The following PAX5 variants were observed in gnomAD, a reference collection of about 807,000 sequenced individuals.
PAX5 encodes paired box protein Pax-5.
PAX5 carries 9 observed loss-of-function variants against 43.7 expected under a neutral mutation model. The observed-to-expected ratio is 0.21, with a 90% CI of 0.12 to 0.36. PAX5 has a LOEUF of 0.36. Among genes scored for constraint, PAX5 ranks in the 10% least tolerant of loss-of-function variants. PAX5 has a pLI of 1.00. For missense variants in PAX5, 383 were observed against 532.7 expected (o/e 0.72, Z 2.77); for synonymous variants, 228 against 214.3 (o/e 1.06, Z -0.56).
At chr9:36,967,744 G>C (rs1321370854) in intron 5 of PAX5, among the ~76,000 whole-genome samples, 1 of 152,182 alleles carries the variant, frequency 6.6e-6, no homozygotes, top group African/African-American at 2.4e-5. Flanking sequence ...GTGAGGGGGA[G>C]AGACTTTTCA....
chr9:36,961,138 G>A (rs889784559), intron 6 of PAX5, among the ~76,000 whole-genome samples: 1 of 152,182 alleles, frequency 6.6e-6, no homozygotes, highest in Non-Finnish European at 1.5e-5. Flanking sequence ...GGCCATCCCT[G>A]ATGACCAAGC....
intron 7 of PAX5, among the ~76,000 whole-genome samples, chr9:36,904,330 C>T (rs537884815): frequency 5.1e-4 from 78 of 152,286 alleles, no homozygotes; most frequent in Non-Finnish European, 8.8e-4. Context: ...GCTGCTGGGC[C>T]ACACTATCCT....
chr9:37,002,942 G>A (rs1209546721), intron 4 of PAX5, 166 bp from the exon 5 acceptor site: 1 of 752,248 alleles, frequency 1.3e-6, no homozygotes, highest in South Asian at 2.0e-5. Context: ...AGCCACGAGC[G>A]CAGGCCTCGG....
intron 8 of PAX5, among the ~76,000 whole-genome samples, chr9:36,875,000 C>T (rs1227414992): frequency 6.6e-6 from 1 of 152,194 alleles, no homozygotes; most frequent in Non-Finnish European, 1.5e-5. Flanking sequence ...AGGAGGAAAC[C>T]AGGGCCCTGA....
intron 5 of PAX5, among the ~76,000 whole-genome samples, chr9:36,968,595 G>A (rs1380883621): frequency 8.4e-6 from 1 of 119,494 alleles, no homozygotes; most frequent in Non-Finnish European, 1.9e-5. Flanking sequence ...GCCACAGCCT[G>A]AGTGACCAGA....
chr9:36,906,271 G>A (rs190785983), intron 7 of PAX5, among the ~76,000 whole-genome samples: 5 of 152,296 alleles, frequency 3.3e-5, no homozygotes, highest in East Asian at 1.9e-4. Flanking sequence ...TGTGGAGAGC[G>A]TGTGGATCAC....
At position 37,034,099 on chromosome 9, in the gene PAX5, T is replaced by G; in HGVS notation, c.-68A>C. 1 of 151,506 alleles carries G rather than the reference T, an allele frequency of 6.6e-6. No individual in the cohort carries two copies. The highest frequency in any genetic ancestry group is 8.6e-5 in the Admixed American group (1 of 11,592). The allele number at this position is 151,506 out of a possible 1,614,324, so 9.4% of individuals were successfully genotyped here. A position where few individuals can be genotyped will look rare whatever the true frequency, so the allele number is the denominator to read the frequency against. On this transcript the variant is annotated 5_prime_UTR_variant, in exon 1 of 10. Transcript: ENST00000358127. The stretch of plus-strand genomic sequence containing the variant: ...CCACTTTTTTGTGCCTTTTTTTTTC[T>G]TTTTTTTTTTTTTTTTTTTTTTTTT...
chr9:36,925,579 G>A (rs1437244311), intron 6 of PAX5, among the ~76,000 whole-genome samples: 3 of 152,166 alleles, frequency 2.0e-5, no homozygotes, highest in African/African-American at 7.2e-5. Flanking sequence ...AAACAGAGCA[G>A]GGGTAACTGG....
chr9:36,925,592 A>T (rs1830583854), intron 6 of PAX5, among the ~76,000 whole-genome samples: 1 of 152,248 alleles, frequency 6.6e-6, no homozygotes, highest in African/African-American at 2.4e-5. Context: ...GTAACTGGTT[A>T]TCCATTCAGA....
At chr9:36,915,116 A>G (rs1829626516) in intron 7 of PAX5, among the ~76,000 whole-genome samples, 1 of 152,248 alleles carries the variant, frequency 6.6e-6, no homozygotes, top group South Asian at 2.1e-4. Flanking sequence ...TGCAAGGATC[A>G]TACATATATA....
At position 36,966,562 on chromosome 9, in the gene PAX5, A is replaced by C. The variant is rs1834455147; in HGVS notation, c.767T>G (p.Ile256Ser). ...YSDIFTTTEP[I>S]KPEQTTEYSA... ...CACGAGGCGTACCTGCTCGGGCTTG[A>C]TGGGCTCTGTGGTGGTGAAGATGTC... Residue 256 changes from isoleucine to serine, a missense_variant, in exon 6 of 10, where the codon ATC becomes AGC. Coordinates refer to ENST00000358127, the MANE Select transcript of PAX5 (RefSeq NM_016734.3). The C allele has an allele frequency of 1.2e-6, 2 of 1,613,946 alleles. No homozygotes were observed. Among genetic ancestry groups the C allele is most frequent in the Non-Finnish European group, 1.7e-6 (2 of 1,179,926 alleles).
At chr9:36,852,801 A>G (rs143529385) in intron 8 of PAX5, among the ~76,000 whole-genome samples, 1 of 152,218 alleles carries the variant, frequency 6.6e-6, no homozygotes, top group Non-Finnish European at 1.5e-5. Flanking sequence ...AACTTTAGAG[A>G]TACGTTCCCT....
At chr9:36,985,459 A>G (rs1387213461) in intron 5 of PAX5, among the ~76,000 whole-genome samples, 2 of 152,232 alleles carry the variant, frequency 1.3e-5, no homozygotes, top group Admixed American at 1.3e-4. Context: ...AGAAGAGAGA[A>G]GTCCATTCCC....
intron 8 of PAX5, among the ~76,000 whole-genome samples, chr9:36,859,472 C>A (rs1214961642): frequency 1.3e-5 from 2 of 152,154 alleles, no homozygotes; most frequent in Non-Finnish European, 2.9e-5. Context: ...CTCCCTCCCT[C>A]CCCCTGCCAG....
intron 6 of PAX5, among the ~76,000 whole-genome samples, chr9:36,944,967 C>T (rs148765867): frequency 4.0e-4 from 61 of 152,328 alleles, no homozygotes; most frequent in Non-Finnish European, 6.8e-4. Context: ...AGCTCAGTGA[C>T]CTGACAGGAA....
intron 9 of PAX5, among the ~76,000 whole-genome samples, chr9:36,846,013 C>T (rs1349317709): frequency 6.6e-6 from 1 of 152,126 alleles, no homozygotes; most frequent in African/African-American, 2.4e-5. Context: ...ATGTTGCTAT[C>T]TGCAGGCTGA....
intron 7 of PAX5, among the ~76,000 whole-genome samples, chr9:36,922,179 C>T (rs1035597748): frequency 6.6e-5 from 10 of 152,198 alleles, no homozygotes; most frequent in African/African-American, 2.4e-4. Flanking sequence ...CTGGGCCCTC[C>T]CTGTCTTGCT....
chr9:36,835,683 C>A lies in PAX5; in HGVS notation c.*4877G>T, dbSNP rs956583577. ...GAAATGTACTTGCCTCGGACCTCTC[C>A]GAGGCCAAAAGAACGAAAGAAATAG... On this transcript the variant is annotated 3_prime_UTR_variant, in exon 10 of 10. Coordinates refer to ENST00000358127, the MANE Select transcript of PAX5 (RefSeq NM_016734.3). 4 of 233,268 alleles carry A rather than the reference C, an allele frequency of 1.7e-5. No homozygotes were observed. In the East Asian group the frequency reaches 2.4e-4, roughly 14 times the overall value. 14.4% of individuals were successfully genotyped at this position (233,268 alleles called of 1,614,324 possible).
intron 1 of PAX5, among the ~76,000 whole-genome samples, chr9:37,029,168 G>A (rs1239956407): frequency 1.3e-5 from 2 of 152,208 alleles, no homozygotes; most frequent in Non-Finnish European, 2.9e-5. Context: ...CCAGGACTGG[G>A]CTTGTAAGGA....
Sources: gnomAD v4.1 joint callset for allele counts (sites outside exome capture counted in the v4.1 genomes callset) on GRCh38, gnomAD v4.1.1 for gene constraint, MANE v1.5 for transcripts, NCBI Gene and HGNC (gene_info 2026-07-23, HGNC 2026-07-21) for gene names.